METTL21A: variants seen among roughly 807,000 people sequenced by gnomAD.
METTL21A encodes methyltransferase 21A, HSPA lysine.
A neutral mutation model predicts 20.9 loss-of-function variants in METTL21A; 22 were observed. That is an observed-to-expected ratio of 1.05 (90% confidence interval 0.75 to 1.50). METTL21A has a LOEUF of 1.50. Among genes scored for constraint, METTL21A ranks in the 40% most tolerant of loss-of-function variants. The pLI is 0.00. For synonymous variants in METTL21A, 93 were observed against 102.0 expected (o/e 0.91, Z 0.53); for missense variants, 271 against 266.8 (o/e 1.02, Z -0.11).
chr2:207,607,810 C>T (rs1365571401), downstream of METTL21A, among the ~76,000 whole-genome samples: 2 of 151,118 alleles, frequency 1.3e-5, no homozygotes, highest in Non-Finnish European at 2.9e-5. Flanking sequence ...AGAATCAAGA[C>T]TTAGTAAAAT....
At chr2:207,588,737 T>G (rs1249541040) in intron 3 of METTL21A, among the ~76,000 whole-genome samples, 131 of 148,528 alleles carry the variant, frequency 8.8e-4, no homozygotes, top group Middle Eastern at 3.4e-3. Flanking sequence ...GGTTTTTTTT[T>G]TTTTTGTGTG....
At chr2:207,601,538 T>C in intron 3 of METTL21A, 1 of 198,246 alleles carries the variant, frequency 5.0e-6, no homozygotes, top group Non-Finnish European at 1.0e-5. Flanking sequence ...GGAAAATAAC[T>C]CAAGTGCATA....
chr2:207,586,655 A>C (rs1454915799), intron 3 of METTL21A, among the ~76,000 whole-genome samples: 1 of 152,230 alleles, frequency 6.6e-6, no homozygotes, highest in African/African-American at 2.4e-5. Context: ...CAAACTGTTC[A>C]TCTGACAAGG....
At chr2:207,585,849 AG>A (rs2083727484) in intron 3 of METTL21A, among the ~76,000 whole-genome samples, 1 of 152,190 alleles carries the variant, frequency 6.6e-6, no homozygotes, top group Non-Finnish European at 1.5e-5. Context: ...CACACTAAAA[AG>A]GATGAAGAAA....
intron 3 of METTL21A, among the ~76,000 whole-genome samples, chr2:207,617,717 A>G (rs2089962508): frequency 6.6e-6 from 1 of 152,176 alleles, no homozygotes; most frequent in South Asian, 2.1e-4. Context: ...AGGTTTAAAA[A>G]GACGAAACAG....
chr2:207,614,818 C>T (rs1034432352), intron 3 of METTL21A, among the ~76,000 whole-genome samples: 23 of 152,202 alleles, frequency 1.5e-4, no homozygotes, highest in Admixed American at 6.5e-4. Flanking sequence ...GTGTAGTACT[C>T]TTTACTTCTG....
intron 3 of METTL21A, among the ~76,000 whole-genome samples, chr2:207,588,683 GTACATA>G (rs1426887855): frequency 6.9e-6 from 1 of 144,582 alleles, no homozygotes; most frequent in African/African-American, 2.6e-5. Flanking sequence ...CATAGATCCT[GTACATA>G]TCTTACTGGA....
At chr2:207,595,241 G>A (rs528997438) in intron 3 of METTL21A, among the ~76,000 whole-genome samples, 11 of 151,766 alleles carry the variant, frequency 7.2e-5, no homozygotes, top group South Asian at 6.3e-4. Context: ...TGATCCACCC[G>A]CCTCTGCCTC....
intron 3 of METTL21A, among the ~76,000 whole-genome samples, chr2:207,603,894 C>A (rs1309982854): frequency 6.6e-6 from 1 of 152,178 alleles, no homozygotes; most frequent in Non-Finnish European, 1.5e-5. Flanking sequence ...GAAATAAGTT[C>A]TGAGACGAGA....
At chr2:207,583,235 T>C (rs1489920208) in intron 3 of METTL21A, among the ~76,000 whole-genome samples, 1 of 152,132 alleles carries the variant, frequency 6.6e-6, no homozygotes, top group Non-Finnish European at 1.5e-5. Context: ...TTGATACTCA[T>C]GAGAGTTCCT....
chr2:207,609,380 T>TA (rs1451025093), downstream of METTL21A: 2 of 152,234 alleles, frequency 1.3e-5, no homozygotes, highest in African/African-American at 4.8e-5. Context: ...AAGTGTATCA[T>TA]AGATAATCCT....
intron 3 of METTL21A, among the ~76,000 whole-genome samples, chr2:207,584,139 A>G (rs572651744): frequency 1.3e-4 from 20 of 152,368 alleles, no homozygotes; most frequent in African/African-American, 3.8e-4. Context: ...AGGTTTTTAT[A>G]TGAACTTTCC....
chr2:207,612,765 T>C, exon 4 of METTL21A: 1 of 268,478 alleles, frequency 3.7e-6, no homozygotes. Flanking sequence ...AAACTGTTTA[T>C]TAAAAGGGAG....
At chr2:207,594,991 CTTTTTT>C (rs751274446) in intron 3 of METTL21A, among the ~76,000 whole-genome samples, 1 of 118,824 alleles carries the variant, frequency 8.4e-6, no homozygotes, top group African/African-American at 3.1e-5. Flanking sequence ...TGTTGAGCAT[CTTTTTT>C]TTTTTTTTTT....
intron 3 of METTL21A, among the ~76,000 whole-genome samples, chr2:207,603,741 A>G (rs1022035387): frequency 6.6e-6 from 1 of 152,206 alleles, no homozygotes; most frequent in South Asian, 2.1e-4. Flanking sequence ...CTGAAAGGAC[A>G]ATAAGACTAT....
intron 3 of METTL21A, among the ~76,000 whole-genome samples, chr2:207,617,706 T>C (rs771942039): frequency 2.6e-5 from 4 of 152,024 alleles, no homozygotes; most frequent in African/African-American, 7.3e-5. Flanking sequence ...ATTGAGAAAA[T>C]AGGTTTAAAA....
chr2:207,614,179 GC>G (rs935715961), intron 3 of METTL21A, among the ~76,000 whole-genome samples: 4 of 152,112 alleles, frequency 2.6e-5, no homozygotes, highest in East Asian at 3.9e-4. Flanking sequence ...GGTGGGAGAA[GC>G]CCTTGAGCCC....
At chr2:207,606,885 G>A (rs546734065), downstream of METTL21A, among the ~76,000 whole-genome samples, 124 of 152,264 alleles carry the variant, frequency 8.1e-4, no homozygotes, top group Non-Finnish European at 1.1e-3. Flanking sequence ...TATTATTGGA[G>A]GTGAATCTTT....
downstream of METTL21A, among the ~76,000 whole-genome samples, chr2:207,607,207 T>C (rs772470924): frequency 1.3e-5 from 2 of 151,812 alleles, no homozygotes; most frequent in Non-Finnish European, 2.9e-5. Context: ...GCCAATATAA[T>C]TAAAACCCCA....
Sources: allele counts gnomAD v4.1 joint callset (sites outside exome capture counted in the v4.1 genomes callset), GRCh38; gene constraint gnomAD v4.1.1; transcripts MANE v1.5; gene names NCBI Gene and HGNC (gene_info 2026-07-23, HGNC 2026-07-21).